Variants in HNRNPM observed in about 807,000 individuals in gnomAD.
HNRNPM encodes the protein heterogeneous nuclear ribonucleoprotein M.
HNRNPM carries 11 observed loss-of-function variants against 73.1 expected under a neutral mutation model. The ratio of observed to expected loss-of-function variants is 0.15; its 90% CI spans 0.09 to 0.25. The LOEUF is 0.25. HNRNPM is among the 10% of genes least tolerant of loss of function. The pLI, the probability that HNRNPM is intolerant of heterozygous loss-of-function variation, is 1.00. For missense variants in HNRNPM, 789 were observed against 1,067.9 expected (o/e 0.74, Z 3.64); for synonymous variants, 407 against 355.2 (o/e 1.15, Z -1.64).
chr19:8,459,216 G>A (rs1969228673), intron 2 of HNRNPM, among the ~76,000 whole-genome samples: 1 of 152,200 alleles, frequency 6.6e-6, no homozygotes, highest in Non-Finnish European at 1.5e-5. Flanking sequence ...CCTGGCCGCA[G>A]CCTGCATTTT....
chr19:8,485,111 G>A (rs974150361), intron 13 of HNRNPM, among the ~76,000 whole-genome samples: 6 of 152,026 alleles, frequency 3.9e-5, no homozygotes, highest in African/African-American at 1.4e-4. Context: ...AATGCAGCCA[G>A]AGTGGCCCCC....
At chr19:8,471,132 T>A (rs1038098294) in intron 9 of HNRNPM, among the ~76,000 whole-genome samples, 194 bp from the exon 10 acceptor site, 8 of 151,570 alleles carry the variant, frequency 5.3e-5, no homozygotes, top group Admixed American at 5.3e-4. Context: ...TATACACACA[T>A]ATCCCAAACG....
chr19:8,487,249 CAT>C (rs1489434937), intron 15 of HNRNPM, 174 bp downstream of exon 15: 9 of 666,388 alleles, frequency 1.4e-5, no homozygotes, highest in Non-Finnish European at 2.5e-5. Flanking sequence ...TGATGTGTCA[CAT>C]GTTTTTCAGC....
At chr19:8,446,664 A>G (rs1968210010) in intron 1 of HNRNPM, among the ~76,000 whole-genome samples, 1 of 152,138 alleles carries the variant, frequency 6.6e-6, no homozygotes, top group African/African-American at 2.4e-5. Flanking sequence ...AGGCCTTCCA[A>G]AGTGCTGAAG....
intron 10 of HNRNPM, 44 bp from the exon 11 acceptor site, chr19:8,473,620 T>C: frequency 8.1e-7 from 1 of 1,233,582 alleles, no homozygotes; most frequent in Non-Finnish European, 1.2e-6. Context: ...CGTTATTTAC[T>C]GCTTTGACAT....
Position 8,486,411 on chromosome 19 carries a change from T to G in HNRNPM, c.1977+6T>G, listed in dbSNP as rs1317541963. On this transcript the variant is annotated splice_donor_region_variant and intron_variant, in intron 14 of 15. Transcript: ENST00000325495. The stretch of plus-strand genomic sequence containing the variant: ...GCCAGATATTTGTGAGAAATGTAAG[T>G]GGCTCTTGGGGAACTTCTTGGTGGT... 1 of 1,551,800 alleles carries G rather than the reference T, an allele frequency of 6.4e-7. No individual in the cohort carries two copies. The highest frequency in any genetic ancestry group is 1.9e-5 in the Admixed American group (1 of 52,064).
chr19:8,486,895 C>T, intron 14 of HNRNPM, 129 bp from the exon 15 acceptor site: 1 of 783,788 alleles, frequency 1.3e-6, no homozygotes, highest in South Asian at 1.4e-5. Flanking sequence ...TGCTGATCGC[C>T]TCAGTCTGAA....
Position 8,462,676 on chromosome 19 carries a change from G to A in HNRNPM, c.336+95G>A. ...TCGAATGAAATCAGGAAGGCAGTGA[G>A]TGCTCATGTTACAGTAGCTATGTTT... is the stretch of plus-strand genomic sequence containing the variant. On this transcript the variant is annotated intron_variant, in intron 3 of 15. Transcript: ENST00000325495. This position sits in a 1 kb window ranked among gnomAD's most constrained non-coding sequence, Gnocchi z 4.5. The A allele has an allele frequency of 9.6e-7, 1 of 1,040,614 alleles. No homozygotes were observed. The highest frequency in any genetic ancestry group is 1.5e-6 in the Non-Finnish European group (1 of 657,946). 64.5% of individuals were successfully genotyped at this position (1,040,614 alleles called of 1,614,324 possible). A position where few individuals can be genotyped will look rare whatever the true frequency, so the allele number is the denominator to read the frequency against.
chr19:8,483,985 C>T (rs550306444), intron 13 of HNRNPM, among the ~76,000 whole-genome samples: 1 of 151,950 alleles, frequency 6.6e-6, no homozygotes, highest in African/African-American at 2.4e-5. Context: ...CCAGGCTTAT[C>T]TCAAACTCCT....
chr19:8,454,513 T>A (rs1184398923), intron 1 of HNRNPM, among the ~76,000 whole-genome samples: 1 of 152,192 alleles, frequency 6.6e-6, no homozygotes, highest in Non-Finnish European at 1.5e-5. Flanking sequence ...CCTTTTGGCT[T>A]GTGTGAGTAG....
chr19:8,455,261 G>A, intron 1 of HNRNPM, 144 bp from the exon 2 acceptor site: 1 of 666,750 alleles, frequency 1.5e-6, no homozygotes, highest in South Asian at 2.1e-5. Flanking sequence ...GATTACAGGT[G>A]TGAGCCACCG....
intron 15 of HNRNPM, chr19:8,487,326 C>T (rs867427633): frequency 3.2e-5 from 15 of 465,392 alleles, no homozygotes; most frequent in African/African-American, 2.8e-4. Flanking sequence ...GTAGTAGTGT[C>T]CCCATTTCAC....
chr19:8,464,376 C>G (rs1180251918), intron 5 of HNRNPM, among the ~76,000 whole-genome samples: 1 of 152,122 alleles, frequency 6.6e-6, no homozygotes, highest in Non-Finnish European at 1.5e-5. Context: ...GTGGCTCACG[C>G]CTGTAATCCC....
intron 12 of HNRNPM, among the ~76,000 whole-genome samples, chr19:8,477,547 G>A (rs576207860): frequency 2.0e-5 from 3 of 151,908 alleles, no homozygotes; most frequent in Middle Eastern, 3.4e-3. Flanking sequence ...AGCTGCCTGG[G>A]AAACTCAGGT....
chr19:8,450,902 G>T (rs1568258548), intron 1 of HNRNPM, among the ~76,000 whole-genome samples: 3 of 144,586 alleles, frequency 2.1e-5, no homozygotes, highest in African/African-American at 7.8e-5. Flanking sequence ...GCTAATTTTT[G>T]GTTTTGTTTT....
intron 10 of HNRNPM, among the ~76,000 whole-genome samples, chr19:8,473,459 TAA>T (rs57275898): frequency 7.6e-5 from 11 of 144,088 alleles, no homozygotes; most frequent in South Asian, 2.2e-4. Context: ...ATACTGTGTT[TAA>T]AAAAAAAAAA....
Position 8,465,305 on chromosome 19 carries a change from C to G in HNRNPM, c.439-19C>G. On this transcript the variant is annotated intron_variant, in intron 5 of 15. Transcript: ENST00000325495. ...TGTACTGGGTCAGTTAAACGTAACA[C>G]CTTTTGTGCTTGTTTTAGGATCCTG... The G allele has an allele frequency of 6.3e-7, 1 of 1,590,514 alleles. No individual in the cohort carries two copies. The highest frequency in any genetic ancestry group is 8.6e-7 in the Non-Finnish European group (1 of 1,167,764).
At chr19:8,453,841 G>T (rs982772199) in intron 1 of HNRNPM, among the ~76,000 whole-genome samples, 4 of 152,194 alleles carry the variant, frequency 2.6e-5, no homozygotes, top group Non-Finnish European at 5.9e-5. Flanking sequence ...CAGTGCCCGG[G>T]CTTCCAAGCC....
intron 1 of HNRNPM, among the ~76,000 whole-genome samples, chr19:8,447,498 A>G (rs564822952): frequency 2.0e-5 from 3 of 152,102 alleles, no homozygotes; most frequent in Non-Finnish European, 4.4e-5. Context: ...CCATGACAGG[A>G]AGACGTGTGG....
Sources: allele counts gnomAD v4.1 joint callset (sites outside exome capture counted in the v4.1 genomes callset), GRCh38; gene constraint gnomAD v4.1.1; non-coding constraint Gnocchi (gnomAD v3.1); transcripts MANE v1.5; gene names NCBI Gene and HGNC (gene_info 2026-07-23, HGNC 2026-07-21).